The following NCAPH variants were observed in gnomAD, a reference collection of about 807,000 sequenced individuals.
NCAPH encodes non-SMC condensin I complex subunit H, also known as condensin complex subunit 2.
In NCAPH, 38 loss-of-function variants were observed where a neutral mutation model predicts 85.5. The observed-to-expected ratio is 0.44, with a 90% CI of 0.34 to 0.58. The LOEUF (loss-of-function observed/expected upper bound fraction) is 0.58, where lower values mean the gene tolerates loss of function less well. Ranked by LOEUF, NCAPH falls within the 20% of genes least tolerant of loss-of-function variation. NCAPH has a pLI of 0.01. For synonymous variants in NCAPH, 301 were observed against 335.1 expected (o/e 0.90, Z 1.11); for missense variants, 789 against 916.6 (o/e 0.86, Z 1.80).
intron 1 of NCAPH, among the ~76,000 whole-genome samples, chr2:96,336,865 T>G (rs2064221525): frequency 1.3e-5 from 2 of 152,126 alleles, no homozygotes; most frequent in Non-Finnish European, 2.9e-5. Context: ...TAGAGAAGGA[T>G]GAGCTGGAAA....
intron 17 of NCAPH, among the ~76,000 whole-genome samples, chr2:96,370,726 A>G (rs2064761307): frequency 6.6e-6 from 1 of 152,226 alleles, no homozygotes; most frequent in South Asian, 2.1e-4. Flanking sequence ...CCACTGGGCC[A>G]GGACCAAGTG....
In NCAPH at chr2:96,354,275, C is replaced by A. The variant is rs201625728; in HGVS notation, c.1095C>A (p.Pro365=). 86 of 1,614,044 alleles carry A rather than the reference C, an allele frequency of 5.3e-5. No individual in the cohort carries two copies. In the East Asian group the frequency reaches 9.4e-4, roughly 18 times the overall value. Reference sequence around the variant, plus strand: ...ACGAGAGTGACTGTGGAGACTTCCCCGATGGGTCCCTGGGGGATGACTTTG... The same window carrying A: ...ACGAGAGTGACTGTGGAGACTTCCCAGATGGGTCCCTGGGGGATGACTTTG... The part of the protein sequence containing the change: ...EVDESDCGDF[P]DGSLGDDFDA... The change falls in exon 9 of 18, where the codon CCC becomes CCA. Residue 365 remains proline (P), a synonymous_variant. Transcript: ENST00000240423.
intron 1 of NCAPH, among the ~76,000 whole-genome samples, chr2:96,336,850 C>A (rs757308986): frequency 2.5e-4 from 38 of 152,122 alleles, no homozygotes; most frequent in Non-Finnish European, 7.4e-5. Flanking sequence ...CGTTTAGAAG[C>A]TGGATAGAGA....
chr2:96,337,298 G>C (rs1346396927), intron 1 of NCAPH, among the ~76,000 whole-genome samples: 1 of 152,208 alleles, frequency 6.6e-6, no homozygotes, highest in African/African-American at 2.4e-5. Flanking sequence ...AAAGGTCCAG[G>C]TTCCTTCCTT....
intron 6 of NCAPH, among the ~76,000 whole-genome samples, chr2:96,350,639 T>C (rs897789653): frequency 6.6e-6 from 1 of 151,946 alleles, no homozygotes; most frequent in African/African-American, 2.4e-5. Flanking sequence ...GATGGGAGAA[T>C]GTGGAGATGA....
chr2:96,364,447 CAAA>C, intron 12 of NCAPH, 31 bp from the exon 13 acceptor site: 4 of 1,429,332 alleles, frequency 2.8e-6, no homozygotes, highest in Non-Finnish European at 3.9e-6. Flanking sequence ...TAGCTTTTAA[CAAA>C]ATAGCTTTCT....
Position 96,374,421 on chromosome 2 carries a change from G to A in NCAPH, c.*1070G>A, listed in dbSNP as rs552877173. Among the ~76,000 whole-genome samples, 45 of 152,254 alleles carry A rather than the reference G, an allele frequency of 3.0e-4. No homozygotes were observed. The highest frequency in any genetic ancestry group is 3.4e-3 in the Middle Eastern group (1 of 294). ...GGGAATTAACTTTGCTTGCAATTTG[G>A]AACAATATTATAGATGTTGATCCAA... On this transcript the variant is annotated 3_prime_UTR_variant, in exon 18 of 18. Transcript: ENST00000240423.
At chr2:96,372,613 G>A (rs1440494387) in intron 17 of NCAPH, among the ~76,000 whole-genome samples, 1 of 151,902 alleles carries the variant, frequency 6.6e-6, no homozygotes, top group Admixed American at 6.6e-5. Flanking sequence ...AACCGTCCCT[G>A]TGTCCAACAG....
chr2:96,371,990 C>G (rs1046407922), intron 17 of NCAPH, among the ~76,000 whole-genome samples: 14 of 152,202 alleles, frequency 9.2e-5, no homozygotes, highest in Admixed American at 6.5e-5. Flanking sequence ...TGCATGTTAG[C>G]AGTGTGCAAC....
chr2:96,369,117 C>T (rs751002321), intron 16 of NCAPH, 54 bp downstream of exon 16: 629 of 1,504,898 alleles, frequency 4.2e-4, no homozygotes, highest in Non-Finnish European at 5.4e-4. Context: ...CTGAGCTGTC[C>T]GCGTGGCAGG....
rs1285519937 is a variant in NCAPH, at chr2:96,373,993, A to C, written c.*642A>C. ...TTTGCCTCGGAGGAGAATGGAAGAG[A>C]GAGATTGCTGACTGGACATTCAGAT... On this transcript the variant is annotated 3_prime_UTR_variant, in exon 18 of 18. Coordinates refer to ENST00000240423, the MANE Select transcript of NCAPH (RefSeq NM_015341.5). The C allele has an allele frequency of 6.6e-6, 1 of 152,266 alleles. No homozygotes were observed. Among genetic ancestry groups the C allele is most frequent in the Non-Finnish European group, 1.5e-5 (1 of 68,112 alleles). 9.4% of individuals were successfully genotyped at this position (152,266 alleles called of 1,614,324 possible).
At position 96,353,380 on chromosome 2, in the gene NCAPH, A is replaced by G. The variant is rs760352489; in HGVS notation, c.985A>G (p.Ser329Gly). The G allele has an allele frequency of 1.2e-6, 2 of 1,614,140 alleles. No individual in the cohort carries two copies. The highest frequency in any genetic ancestry group is 2.2e-5 in the East Asian group (1 of 44,894). ...LAGFQFTQWD[S>G]ETHNESVSAL... ...CGGGTTCCAGTTTACACAGTGGGAC[A>G]GTGAAACACATAATGAGGTGTGGTC... is the stretch of plus-strand genomic sequence containing the variant. The change falls in exon 8 of 18, where the codon AGT becomes GGT. Residue 329 changes from serine to glycine, a missense_variant. By Grantham distance (56) the Ser-to-Gly change is moderately conservative (BLOSUM62 0). Coordinates refer to ENST00000240423, the MANE Select transcript of NCAPH (RefSeq NM_015341.5).
intron 15 of NCAPH, 78 bp downstream of exon 15, chr2:96,367,451 C>A: frequency 1.9e-6 from 2 of 1,027,442 alleles, no homozygotes; most frequent in Non-Finnish European, 3.0e-6. Context: ...GAAGACACCT[C>A]GATTTGGGCA....
At chr2:96,356,467 G>T (rs1271346541) in intron 9 of NCAPH, among the ~76,000 whole-genome samples, 1 of 152,184 alleles carries the variant, frequency 6.6e-6, no homozygotes, top group Non-Finnish European at 1.5e-5. Flanking sequence ...GCTGCGCCAG[G>T]TGCCTTATGT....
At position 96,360,572 on chromosome 2, in the gene NCAPH, T is replaced by C. The variant is rs181519038; in HGVS notation, c.1465-16T>C. The stretch of plus-strand genomic sequence containing the variant: ...TGTTAAAATGCCTAAAACACTTTTT[T>C]TAAAAAAATTAATAGGCTGCTACTA... On this transcript the variant is annotated splice_polypyrimidine_tract_variant and intron_variant, in intron 11 of 17. Coordinates refer to ENST00000240423, the MANE Select transcript of NCAPH (RefSeq NM_015341.5). 4.8e-5 allele frequency: 77 copies of C among 1,611,468 alleles called. No individual in the cohort carries two copies. In the East Asian group the frequency reaches 1.6e-3, roughly 35 times the overall value.
chr2:96,376,226 A>G lies in NCAPH; in HGVS notation c.*2875A>G, dbSNP rs879478395. Among the ~76,000 whole-genome samples, 3 of 152,236 alleles carry G rather than the reference A, an allele frequency of 2.0e-5. No homozygotes were observed. Among genetic ancestry groups the G allele is most frequent in the Non-Finnish European group, 4.4e-5 (3 of 68,038 alleles). Reference sequence around the variant, plus strand: ...GTTTTAACATTCTCTGCCAAACAGAACCAGAATTTAAGGGCAGGAGAATTT... The same window carrying G: ...GTTTTAACATTCTCTGCCAAACAGAGCCAGAATTTAAGGGCAGGAGAATTT... On this transcript the variant is annotated 3_prime_UTR_variant, in exon 18 of 18. Transcript: ENST00000240423.
In NCAPH at chr2:96,374,213, A is replaced by G. The variant is rs1397368977; in HGVS notation, c.*862A>G. On this transcript the variant is annotated 3_prime_UTR_variant, in exon 18 of 18. Coordinates refer to ENST00000240423, the MANE Select transcript of NCAPH (RefSeq NM_015341.5). Reference sequence around the variant, plus strand: ...GCAAAAGGGCAGCCGGCAAACTGTCAGGGGTGGCCTGAGCCTGGCAATCTG... The same window carrying G: ...GCAAAAGGGCAGCCGGCAAACTGTCGGGGGTGGCCTGAGCCTGGCAATCTG... Among the ~76,000 whole-genome samples the G allele has an allele frequency of 6.6e-6, 1 of 152,206 alleles. No individual in the cohort carries two copies. The highest frequency in any genetic ancestry group is 1.5e-5 in the Non-Finnish European group (1 of 68,030).
chr2:96,366,915 G>A (rs1011113475), intron 14 of NCAPH, among the ~76,000 whole-genome samples: 7 of 149,936 alleles, frequency 4.7e-5, no homozygotes, highest in African/African-American at 9.8e-5. Flanking sequence ...TTGAGACCGC[G>A]TGGCCAAAAT....
Position 96,369,068 on chromosome 2 carries a change from G to T in NCAPH, c.2090+5G>T, listed in dbSNP as rs879564314. On this transcript the variant is annotated splice_donor_5th_base_variant and intron_variant, in intron 16 of 17. Transcript: ENST00000240423. ...CACGAAGGACCTGCAGAGGAGGTGCGGGCTGGCAGGCATGGGGGCTTTGTT... is the reference window on the plus strand; with the variant it reads ...CACGAAGGACCTGCAGAGGAGGTGCTGGCTGGCAGGCATGGGGGCTTTGTT... The T allele has an allele frequency of 6.4e-6, 10 of 1,553,396 alleles. No homozygotes were observed. Among genetic ancestry groups the T allele is most frequent in the Non-Finnish European group, 7.8e-6 (9 of 1,147,870 alleles).
Sources: allele counts gnomAD v4.1 joint callset (sites outside exome capture counted in the v4.1 genomes callset), GRCh38; gene constraint gnomAD v4.1.1; transcripts MANE v1.5; gene names NCBI Gene and HGNC (gene_info 2026-07-23, HGNC 2026-07-21).